PRKG1: variants seen among roughly 807,000 people sequenced by gnomAD.
The protein encoded by PRKG1 is cGMP-dependent protein kinase 1.
In PRKG1, 35 loss-of-function variants were observed where a neutral mutation model predicts 88.1. That is an observed-to-expected ratio of 0.40 (90% CI 0.30 to 0.53). The LOEUF is 0.53. Among genes scored for constraint, PRKG1 ranks in the 20% least tolerant of loss-of-function variants. The probability of loss-of-function intolerance (pLI) is 0.59; values close to 1 mark genes in which losing one functional copy is unlikely to be tolerated. For missense variants in PRKG1, 540 were observed against 839.8 expected, an observed-to-expected ratio of 0.64 and a Z score of 4.41; for synonymous variants, 303 against 292.5, an observed-to-expected ratio of 1.04 and a Z score of -0.37.
chr10:51,751,204 C>T (rs1837716418), intron 3 of PRKG1, among the ~76,000 whole-genome samples: 1 of 152,142 alleles, frequency 6.6e-6, no homozygotes, highest in Admixed American at 6.5e-5. Flanking sequence ...GAAAAAAATA[C>T]AGGGCATTCA....
rs1263756911 is a variant in PRKG1, at chr10:52,183,353, C to T, written c.1076+21390C>T. Among the ~76,000 whole-genome samples, 10 of 152,126 alleles carry T rather than the reference C, an allele frequency of 6.6e-5. No individual in the cohort carries two copies. In the East Asian group the frequency reaches 1.2e-3, roughly 18 times the overall value. On this transcript the variant is annotated intron_variant, in intron 9 of 17. Transcript: ENST00000373980. ...AAGGAACTGTTTCTCAGGACCTGGG[C>T]GTGAGTATGTAGTGGCTCTCCTTGC...
intron 2 of PRKG1, among the ~76,000 whole-genome samples, chr10:51,313,346 C>CTTCCT (rs1397676682): frequency 6.6e-6 from 1 of 152,066 alleles, no homozygotes; most frequent in Non-Finnish European, 1.5e-5. Context: ...CAGTTCTACC[C>CTTCCT]TTCCTTTTCC....
At chr10:51,545,650 T>C (rs576890176) in intron 3 of PRKG1, among the ~76,000 whole-genome samples, 1 of 152,140 alleles carries the variant, frequency 6.6e-6, no homozygotes, top group Non-Finnish European at 1.5e-5. Flanking sequence ...GTATAACAAG[T>C]TCCATCATAG....
chr10:52,154,628 C>G (rs981253783), intron 8 of PRKG1, among the ~76,000 whole-genome samples: 7 of 151,902 alleles, frequency 4.6e-5, no homozygotes, highest in Admixed American at 4.6e-4. Context: ...CTTTTTACAC[C>G]CTTTATTAAG....
At chr10:51,900,019 T>C (rs1406214845) in intron 4 of PRKG1, among the ~76,000 whole-genome samples, 3 of 152,154 alleles carry the variant, frequency 2.0e-5, no homozygotes, top group African/African-American at 7.2e-5. Context: ...TTAAGTTTCC[T>C]GAGGCCTTCA....
intron 3 of PRKG1, among the ~76,000 whole-genome samples, chr10:51,751,226 C>CTGTT (rs558191113): frequency 2.2e-4 from 34 of 152,170 alleles, no homozygotes; most frequent in Admixed American, 1.2e-3. Flanking sequence ...TTCAACCGAA[C>CTGTT]TGTTTGTTTG....
At chr10:51,292,745 A>G (rs958154053) in intron 2 of PRKG1, among the ~76,000 whole-genome samples, 5 of 152,162 alleles carry the variant, frequency 3.3e-5, no homozygotes, top group African/African-American at 9.6e-5. Flanking sequence ...AGGTCTGCCT[A>G]TGGGTGTCTA....
chr10:52,037,267 C>G (rs941839364), intron 5 of PRKG1, among the ~76,000 whole-genome samples: 6 of 152,190 alleles, frequency 3.9e-5, no homozygotes, highest in African/African-American at 1.4e-4. Flanking sequence ...AGCCTGGCCG[C>G]TGCGGTTCAG....
intron 2 of PRKG1, among the ~76,000 whole-genome samples, chr10:51,454,354 G>A (rs2132780008): frequency 6.6e-6 from 1 of 151,438 alleles, no homozygotes; most frequent in Non-Finnish European, 1.5e-5. Flanking sequence ...ATACTACAAG[G>A]CTACAGTTAC....
At chr10:51,432,911 G>A (rs1423911125) in intron 2 of PRKG1, among the ~76,000 whole-genome samples, 1 of 152,120 alleles carries the variant, frequency 6.6e-6, no homozygotes, top group Admixed American at 6.6e-5. Flanking sequence ...TTCTAGGTCT[G>A]AATAGATAGA....
At chr10:52,077,896 G>T (rs2133298249) in intron 7 of PRKG1, among the ~76,000 whole-genome samples, 1 of 152,152 alleles carries the variant, frequency 6.6e-6, no homozygotes, top group African/African-American at 2.4e-5. Context: ...TCAAGTAATG[G>T]ATAACTCGAA....
chr10:52,294,027 C>A lies in PRKG1; in HGVS notation c.*127C>A. 4 of 689,186 alleles carry A rather than the reference C, an allele frequency of 5.8e-6. No homozygotes were observed. The South Asian group carries it at 7.7e-5, about 13-fold the overall frequency. The allele number at this position is 689,186 out of a possible 1,614,324, so 42.7% of individuals were successfully genotyped here. A position where few individuals can be genotyped will look rare whatever the true frequency, so the allele number is the denominator to read the frequency against. ...ACCATGATGCCTTTGATCGATGCTG[C>A]TCCAGTAACTACAGTGGCATTAGGA... On this transcript the variant is annotated 3_prime_UTR_variant, in exon 18 of 18. Transcript: ENST00000373980.
intron 9 of PRKG1, among the ~76,000 whole-genome samples, chr10:52,234,042 C>A (rs1840608575): frequency 6.6e-6 from 1 of 151,922 alleles, no homozygotes; most frequent in Middle Eastern, 3.4e-3. Context: ...AGGCACCCCC[C>A]AGCAGAGGCA....
chr10:51,744,454 A>G (rs904851376), intron 3 of PRKG1, among the ~76,000 whole-genome samples: 15 of 152,194 alleles, frequency 9.9e-5, no homozygotes, highest in Non-Finnish European at 2.2e-4. Context: ...AACCACAGCC[A>G]GTTTCAGAAT....
At position 52,127,400 on chromosome 10, in the gene PRKG1, A is replaced by G. The variant is rs145237486; in HGVS notation, c.936-6440A>G. ...AGAAATGAAGATTTGCAAGTCACTC[A>G]TGTAAAACTAATAGTTGACGTCATA... On this transcript the variant is annotated intron_variant, in intron 7 of 17. Coordinates refer to ENST00000373980, the MANE Select transcript of PRKG1 (RefSeq NM_006258.4). Among the ~76,000 whole-genome samples the G allele has an allele frequency of 7.3e-3, 1,114 of 152,286 alleles. 13 individuals carry two copies. The highest frequency in any genetic ancestry group is 0.025 in the African/African-American group (1,025 of 41,568).
intron 4 of PRKG1, among the ~76,000 whole-genome samples, chr10:51,850,901 ACT>A (rs1247154317): frequency 1.3e-5 from 2 of 152,082 alleles, no homozygotes; most frequent in African/African-American, 4.8e-5. Flanking sequence ...TGAAAAAAAG[ACT>A]CTACTGGAGG....
intron 1 of PRKG1, among the ~76,000 whole-genome samples, chr10:51,125,172 A>G (rs1845365276): frequency 6.6e-6 from 1 of 151,934 alleles, no homozygotes; most frequent in Admixed American, 6.6e-5. Flanking sequence ...TATGAATACC[A>G]AATTGGCTGG....
At chr10:51,929,887 C>T (rs575565848) in intron 5 of PRKG1, among the ~76,000 whole-genome samples, 31 of 152,258 alleles carry the variant, frequency 2.0e-4, no homozygotes, top group Admixed American at 1.2e-3. Context: ...CACCATGAAA[C>T]GTACTGTGAG....
At chr10:51,915,036 C>G (rs1285885299) in intron 5 of PRKG1, among the ~76,000 whole-genome samples, 1 of 152,128 alleles carries the variant, frequency 6.6e-6, no homozygotes, top group Non-Finnish European at 1.5e-5. Context: ...GTTAATGTAG[C>G]CAACTTACTC....
Sources: gnomAD v4.1 joint callset for allele counts (sites outside exome capture counted in the v4.1 genomes callset) on GRCh38, gnomAD v4.1.1 for gene constraint, MANE v1.5 for transcripts, NCBI Gene and HGNC (gene_info 2026-07-23, HGNC 2026-07-21) for gene names.